The following GABRG3 variants were observed in gnomAD, a reference collection of about 807,000 sequenced individuals.
GABRG3 encodes gamma-aminobutyric acid type A receptor subunit gamma3.
Under a neutral mutation model 48.8 loss-of-function variants are expected in GABRG3, and 25 were observed. The observed-to-expected ratio is 0.51, with a 90% CI of 0.37 to 0.72. GABRG3 has a LOEUF of 0.72. Ranked by LOEUF, GABRG3 falls within the 30% of genes least tolerant of loss-of-function variation. The probability of loss-of-function intolerance (pLI) is 0.00; values close to 1 mark genes in which losing one functional copy is unlikely to be tolerated. For missense variants in GABRG3, 394 were observed against 577.9 expected (o/e 0.68, Z 3.26); for synonymous variants, 227 against 217.6 (o/e 1.04, Z -0.38).
At chr15:27,015,909 A>G (rs1895770494) in intron 2 of GABRG3, among the ~76,000 whole-genome samples, 1 of 152,062 alleles carries the variant, frequency 6.6e-6, no homozygotes, top group Non-Finnish European at 1.5e-5. Flanking sequence ...AATCTTCTTT[A>G]TATGTTAAGA....
At chr15:27,185,397 ACTTC>A (rs562149335) in intron 3 of GABRG3, among the ~76,000 whole-genome samples, 114 of 152,302 alleles carry the variant, frequency 7.5e-4, no homozygotes, top group African/African-American at 2.6e-3. Context: ...CAAAGAACAT[ACTTC>A]CTTCATGTGT....
chr15:27,470,817 TAGA>T lies in GABRG3; in HGVS notation c.575-9832_575-9830del, dbSNP rs1889766196. On this transcript the variant is annotated intron_variant, in intron 5 of 9. Coordinates refer to ENST00000615808, the MANE Select transcript of GABRG3 (RefSeq NM_033223.5). Reference sequence around the variant, plus strand: ...TGTAAGTATAGTTTTTAATTACCTCTAGATTTTGAGTCATTGCTAGAAAAGTTT... The same window carrying T: ...TGTAAGTATAGTTTTTAATTACCTCTTTTTGAGTCATTGCTAGAAAAGTTT... Among the ~76,000 whole-genome samples, 9 of 152,316 alleles carry T rather than the reference TAGA, an allele frequency of 5.9e-5. No homozygotes were observed. The South Asian group carries it at 1.9e-3, about 32-fold the overall frequency.
chr15:27,410,139 G>C (rs1887751714), intron 5 of GABRG3, among the ~76,000 whole-genome samples: 1 of 152,060 alleles, frequency 6.6e-6, no homozygotes, highest in African/African-American at 2.4e-5. Flanking sequence ...TATTAAATTT[G>C]TCAAAAGCAT....
At chr15:27,270,396 A>C (rs57144593) in intron 3 of GABRG3, among the ~76,000 whole-genome samples, 1 of 151,966 alleles carries the variant, frequency 6.6e-6, no homozygotes, top group African/African-American at 2.4e-5. Flanking sequence ...ACAGCTGGTC[A>C]TGTGGCCCTG....
At chr15:27,200,057 T>C (rs983631030) in intron 3 of GABRG3, among the ~76,000 whole-genome samples, 1 of 100,950 alleles carries the variant, frequency 9.9e-6, no homozygotes, top group Admixed American at 1.0e-4. Context: ...CTCTTCCTTC[T>C]TTCCTTCCTT....
chr15:27,345,116 A>G (rs1170543111), intron 5 of GABRG3, among the ~76,000 whole-genome samples: 1 of 152,174 alleles, frequency 6.6e-6, no homozygotes, highest in African/African-American at 2.4e-5. Context: ...TTTAGACAAC[A>G]TAGAGTTGGG....
rs143389606 is a variant in GABRG3, at chr15:27,105,509, A to G, written c.270+78688A>G. ...GAGATATACTGTATCTTGGGTCACA[A>G]AACAAATCTCAGAAAATTTAAGATA... is the stretch of plus-strand genomic sequence containing the variant. On this transcript the variant is annotated intron_variant, in intron 3 of 9. Transcript: ENST00000615808. 3.0e-4 allele frequency among the ~76,000 whole-genome samples: 45 copies of G among 152,314 alleles called. No homozygotes were observed. In the East Asian group the frequency reaches 6.6e-3, roughly 22 times the overall value.
chr15:27,283,643 C>T (rs1891511454), intron 3 of GABRG3, among the ~76,000 whole-genome samples: 1 of 152,116 alleles, frequency 6.6e-6, no homozygotes, highest in Non-Finnish European at 1.5e-5. Flanking sequence ...CTATTTTTTC[C>T]CATTCCTTTG....
chr15:26,989,662 G>A (rs1895212759), intron 2 of GABRG3, among the ~76,000 whole-genome samples: 1 of 152,086 alleles, frequency 6.6e-6, no homozygotes, highest in Admixed American at 6.5e-5. Flanking sequence ...ATTTTAAAAT[G>A]TACAATTAAA....
chr15:27,297,370 C>T (rs540464252), intron 3 of GABRG3, among the ~76,000 whole-genome samples: 2 of 152,328 alleles, frequency 1.3e-5, no homozygotes, highest in South Asian at 2.1e-4. Context: ...ATTCACTCAG[C>T]ATTCATTCAC....
chr15:27,501,762 G>C (rs1423867999), intron 6 of GABRG3, among the ~76,000 whole-genome samples: 3 of 152,118 alleles, frequency 2.0e-5, no homozygotes. Context: ...TGTCTCGTTT[G>C]GTTGTGTGCA....
chr15:27,000,802 A>G (rs1895431035), intron 2 of GABRG3, among the ~76,000 whole-genome samples: 1 of 152,218 alleles, frequency 6.6e-6, no homozygotes, highest in African/African-American at 2.4e-5. Context: ...ACGTTTAACC[A>G]TGAGCCAGTT....
intron 3 of GABRG3, among the ~76,000 whole-genome samples, chr15:27,058,969 A>T (rs563907588): frequency 1.3e-5 from 2 of 152,348 alleles, no homozygotes; most frequent in South Asian, 4.1e-4. Flanking sequence ...TGTGGCCACT[A>T]TTAAAACAAT....
At chr15:27,265,881 G>GTTTTTTTTTTTTTTTTTTTTTTTTTTTT (rs147459440) in intron 3 of GABRG3, among the ~76,000 whole-genome samples, 1 of 124,818 alleles carries the variant, frequency 8.0e-6, no homozygotes, top group African/African-American at 3.7e-5. Context: ...ATTTTCTCCT[G>GTTTTTTTTTTTTTTTTTTTTTTTTTTTT]GTTTTTTTTT....
At chr15:27,130,193 G>A (rs1897892094) in intron 3 of GABRG3, among the ~76,000 whole-genome samples, 1 of 152,090 alleles carries the variant, frequency 6.6e-6, no homozygotes, top group Non-Finnish European at 1.5e-5. Flanking sequence ...GCTGGTATAT[G>A]TAGGTCTTTG....
chr15:27,091,715 T>C (rs1313850368), intron 3 of GABRG3, among the ~76,000 whole-genome samples: 1 of 152,214 alleles, frequency 6.6e-6, no homozygotes, highest in Admixed American at 6.5e-5. Flanking sequence ...GGGAAACCCC[T>C]GTCAGGTCAA....
intron 3 of GABRG3, among the ~76,000 whole-genome samples, chr15:27,164,503 C>T (rs769351188): frequency 6.6e-5 from 10 of 152,182 alleles, no homozygotes; most frequent in Non-Finnish European, 1.2e-4. Context: ...AAAGATCTTT[C>T]ATAGCTTTGA....
At chr15:27,031,774 A>T (rs1187034260) in intron 3 of GABRG3, among the ~76,000 whole-genome samples, 1 of 152,282 alleles carries the variant, frequency 6.6e-6, no homozygotes, top group East Asian at 1.9e-4. Flanking sequence ...GTGGAAGGTA[A>T]ATTCCATTTG....
At chr15:27,388,306 A>AAGG (rs1247459902) in intron 5 of GABRG3, among the ~76,000 whole-genome samples, 4 of 30,716 alleles carry the variant, frequency 1.3e-4, no homozygotes, top group Non-Finnish European at 2.4e-4. Flanking sequence ...GAAGGAAGGA[A>AAGG]AGGGAGGGAG....
Sources: gnomAD v4.1 joint callset for allele counts (sites outside exome capture counted in the v4.1 genomes callset) on GRCh38, gnomAD v4.1.1 for gene constraint, MANE v1.5 for transcripts, NCBI Gene and HGNC (gene_info 2026-07-23, HGNC 2026-07-21) for gene names.